The following ZFHX3 variants were observed in gnomAD, a reference collection of about 807,000 sequenced individuals.
The protein encoded by ZFHX3 is zinc finger homeobox protein 3.
ZFHX3 carries 42 observed loss-of-function variants against 279.1 expected under a neutral mutation model. The observed-to-expected ratio is 0.15, with a 90% CI of 0.12 to 0.19. ZFHX3 has a LOEUF of 0.19. ZFHX3 is among the 10% of genes least tolerant of loss of function. ZFHX3 has a pLI of 1.00. For synonymous variants in ZFHX3, 2,293 were observed against 1,957.8 expected, an observed-to-expected ratio of 1.17 and a Z score of -4.52; for missense variants, 4,981 against 4,754.0, an observed-to-expected ratio of 1.05 and a Z score of -1.40.
At position 72,787,182 on chromosome 16, in the gene ZFHX3, C is replaced by A; in HGVS notation, c.11094G>T (p.Thr3698=). 6.4e-7 allele frequency: 1 copy of A among 1,569,146 alleles called. No homozygotes were observed. The highest frequency in any genetic ancestry group is 8.7e-7 in the Non-Finnish European group (1 of 1,152,614). Residue 3698 remains threonine (T), a synonymous_variant, in exon 10 of 10, where the codon ACG becomes ACT. Transcript: ENST00000268489. ...TCAAAGCTTACAATCTGAAGGTGTC[C>A]GTTCCTACACTGGTCAGACCACTGT... ...PKDSGLTSVG[T]DTFRL is the part of the protein sequence containing the mutation.
rs1244665559 is a variant in ZFHX3 at position 73,349,630 on chromosome 16, C to CT, written c.-1290-31295dup. On this transcript the variant is annotated intron_variant, in intron 3 of 17. Transcript: ENST00000641206. ...CCTTACTTCCTCCCTCCCTTCCTCC[C>CT]TCCCTCCCTCCCTCCCTCTCTCCCT... Among the ~76,000 whole-genome samples the CT allele has an allele frequency of 9.7e-5, 5 of 51,714 alleles. 1 individual carries two copies. The East Asian group carries it at 2.9e-3, about 30-fold the overall frequency. 33.9% of individuals were successfully genotyped at this position (51,714 alleles called of 152,430 possible). A position where few individuals can be genotyped will look rare whatever the true frequency, so the allele number is the denominator to read the frequency against.
rs186992744 is a variant in ZFHX3 at position 73,415,030 on chromosome 16, C to A, written c.-1291+40973G>T. On this transcript the variant is annotated intron_variant, in intron 3 of 17. Coordinates refer to the ZFHX3 transcript ENST00000641206. ...TTTAACAAAGACCACTACCCATGAT[C>A]AATTCCTGGGTGTCTAGCCCAATCC... 9.5e-4 allele frequency among the ~76,000 whole-genome samples: 145 copies of A among 152,304 alleles called. 3 individuals are homozygous for A. Among genetic ancestry groups the A allele is most frequent in the Admixed American group, 8.2e-3 (125 of 15,298 alleles).
intron 1 of ZFHX3, among the ~76,000 whole-genome samples, chr16:73,033,104 C>T (rs1363589894): frequency 6.6e-6 from 1 of 152,152 alleles, no homozygotes; most frequent in African/African-American, 2.4e-5. Flanking sequence ...GACAGGGGAG[C>T]AGCCCTTCCA....
intron 1 of ZFHX3, among the ~76,000 whole-genome samples, chr16:73,042,354 T>C (rs1965150402): frequency 1.3e-5 from 2 of 152,102 alleles, no homozygotes; most frequent in Admixed American, 6.5e-5. Context: ...GAGCCTATGA[T>C]AGAAATGGGC....
intron 3 of ZFHX3, among the ~76,000 whole-genome samples, chr16:73,371,323 T>A (rs1380627204): frequency 1.3e-5 from 2 of 151,722 alleles, no homozygotes; most frequent in African/African-American, 2.4e-5. Context: ...AAAGACCTCA[T>A]CATTGAATTG....
At chr16:73,422,604 A>G (rs989969004) in intron 3 of ZFHX3, among the ~76,000 whole-genome samples, 4 of 152,208 alleles carry the variant, frequency 2.6e-5, no homozygotes, top group Non-Finnish European at 4.4e-5. Context: ...ATGACTTCTT[A>G]GCACCCAGAC....
At position 73,594,628 on chromosome 16, in the gene ZFHX3, T is replaced by C. The variant is rs916036763; in HGVS notation, c.-1547+85552A>G. Among the ~76,000 whole-genome samples the C allele has an allele frequency of 6.6e-5, 10 of 152,244 alleles. No individual in the cohort carries two copies. In the East Asian group the frequency reaches 1.9e-3, roughly 29 times the overall value. ...GAGTCTAGAGGTGGAGTTGGGAATA[T>C]AGAGCTCTAGATAGGTAACAGAGTG... On this transcript the variant is annotated intron_variant, in intron 2 of 17. Transcript: ENST00000641206.
chr16:73,290,578 G>C, intron 4 of ZFHX3, among the ~76,000 whole-genome samples: 1 of 152,200 alleles, frequency 6.6e-6, no homozygotes, highest in East Asian at 1.9e-4. Flanking sequence ...GGACAGGGAA[G>C]AGAGGTGGAA....
chr16:72,839,060 T>C (rs1403500647), intron 4 of ZFHX3, among the ~76,000 whole-genome samples: 1 of 152,218 alleles, frequency 6.6e-6, no homozygotes, highest in Non-Finnish European at 1.5e-5. Context: ...CTTGGATTTC[T>C]ACAGAGCCAT....
chr16:72,943,913 T>C (rs1386982195), intron 3 of ZFHX3, among the ~76,000 whole-genome samples: 3 of 152,260 alleles, frequency 2.0e-5, no homozygotes, highest in African/African-American at 7.2e-5. Flanking sequence ...TATGTCGACA[T>C]TAAAAAGAGT....
intron 3 of ZFHX3, among the ~76,000 whole-genome samples, chr16:73,390,263 A>G (rs763238442): frequency 2.0e-4 from 31 of 152,024 alleles, no homozygotes; most frequent in Non-Finnish European, 3.1e-4. Flanking sequence ...AGCCATGAGT[A>G]CTGTGAAGAT....
intron 1 of ZFHX3, among the ~76,000 whole-genome samples, chr16:73,007,964 G>A (rs934887725): frequency 6.6e-6 from 1 of 151,888 alleles, no homozygotes; most frequent in South Asian, 2.1e-4. Flanking sequence ...CTGTATTTGG[G>A]GTTTTCTCTT....
chr16:73,420,650 A>G (rs1316307176), intron 3 of ZFHX3: 1 of 151,958 alleles, frequency 6.6e-6, no homozygotes, highest in Non-Finnish European at 1.5e-5. Context: ...TTTTTGTTTT[A>G]TTTCAGATTT....
intron 7 of ZFHX3, chr16:72,809,358 T>C (rs2036369888): frequency 6.6e-6 from 1 of 152,168 alleles, no homozygotes; most frequent in African/African-American, 2.4e-5. Flanking sequence ...CTCCCATGGT[T>C]CTAGGCCATC....
intron 7 of ZFHX3, chr16:72,807,943 G>C (rs1387795625): frequency 6.6e-6 from 1 of 152,166 alleles, no homozygotes; most frequent in Admixed American, 6.5e-5. Context: ...AATGACCGTA[G>C]AACTGGCCAT....
intron 1 of ZFHX3, among the ~76,000 whole-genome samples, chr16:72,970,887 T>C (rs1308732102): frequency 6.6e-6 from 1 of 152,250 alleles, no homozygotes; most frequent in East Asian, 1.9e-4. Flanking sequence ...TGTCATGATG[T>C]CAAATTTATG....
chr16:73,755,162 A>G (rs2053796916), intron 1 of ZFHX3, among the ~76,000 whole-genome samples: 1 of 152,158 alleles, frequency 6.6e-6, no homozygotes. Flanking sequence ...TTAACCACTC[A>G]TCCGTACTCC....
At chr16:73,642,228 T>TACG (rs1172570380) in intron 2 of ZFHX3, among the ~76,000 whole-genome samples, 1 of 152,184 alleles carries the variant, frequency 6.6e-6, no homozygotes, top group Non-Finnish European at 1.5e-5. Flanking sequence ...ATTCCTACTC[T>TACG]ACGATGGATT....
chr16:73,502,482 T>C (rs1202888321), intron 2 of ZFHX3, among the ~76,000 whole-genome samples: 5 of 152,176 alleles, frequency 3.3e-5, no homozygotes, highest in African/African-American at 1.2e-4. Flanking sequence ...CAGTGGCCCA[T>C]GAAGTGGTCT....
Sources: allele counts gnomAD v4.1 joint callset (sites outside exome capture counted in the v4.1 genomes callset), GRCh38; gene constraint gnomAD v4.1.1; transcripts MANE v1.5; gene names NCBI Gene and HGNC (gene_info 2026-07-23, HGNC 2026-07-21).